The following ITGA8 variants were observed in gnomAD, a reference collection of about 807,000 sequenced individuals.
ITGA8 encodes the protein integrin subunit alpha 8.
A neutral mutation model predicts 142.3 loss-of-function variants in ITGA8; 91 were observed. That is an observed-to-expected ratio of 0.64 (90% CI 0.54 to 0.76). ITGA8 has a LOEUF of 0.76. Ranked by LOEUF, ITGA8 falls within the 30% of genes least tolerant of loss-of-function variation. The pLI is 0.00. For synonymous variants in ITGA8, 505 were observed against 485.2 expected, an observed-to-expected ratio of 1.04 and a Z score of -0.54; for missense variants, 1,406 against 1,327.7, an observed-to-expected ratio of 1.06 and a Z score of -0.92.
intron 23 of ITGA8, among the ~76,000 whole-genome samples, chr10:15,581,806 A>G (rs1383099080): frequency 6.6e-6 from 1 of 152,246 alleles, no homozygotes; most frequent in African/African-American, 2.4e-5. Context: ...ATGTGCATAC[A>G]TACATACATA....
chr10:15,558,910 CG>C (rs1365179326), intron 25 of ITGA8, among the ~76,000 whole-genome samples: 1 of 152,132 alleles, frequency 6.6e-6, no homozygotes, highest in Non-Finnish European at 1.5e-5. Flanking sequence ...CACAGAATAT[CG>C]CATTAACATT....
At chr10:15,618,150 G>A (rs1396390985) in intron 13 of ITGA8, among the ~76,000 whole-genome samples, 1 of 152,132 alleles carries the variant, frequency 6.6e-6, no homozygotes, top group East Asian at 1.9e-4. Context: ...TGAGTGATGA[G>A]TATGCTAGAA....
At chr10:15,705,248 C>T (rs1835236931) in intron 2 of ITGA8, among the ~76,000 whole-genome samples, 1 of 152,218 alleles carries the variant, frequency 6.6e-6, no homozygotes, top group Admixed American at 6.5e-5. Context: ...TCCACTTTGC[C>T]ATTCTGCCAC....
chr10:15,646,948 G>C lies in ITGA8; in HGVS notation c.1105C>G (p.Leu369Val), dbSNP rs1833991455. 3 of 1,613,994 alleles carry C rather than the reference G, an allele frequency of 1.9e-6. No homozygotes were observed. The South Asian group carries it at 3.3e-5, about 18-fold the overall frequency. The change falls in exon 12 of 30, where the codon CTC becomes GTC. Residue 369 changes from leucine (L) to valine (V), a missense_variant. Transcript: ENST00000378076. ...AGGATCTGGGGGTCTCTGAAGAGGA[G>C]AGAGCTCACTTGCAAATACAGGTAG... ...QIYLYLQVSS[L>V]LFRDPQILTG...
intron 23 of ITGA8, among the ~76,000 whole-genome samples, chr10:15,576,655 C>T (rs897149357): frequency 6.6e-6 from 1 of 152,144 alleles, no homozygotes; most frequent in Non-Finnish European, 1.5e-5. Context: ...TACTCTAGGG[C>T]AAGTAATTTA....
At chr10:15,621,886 G>A (rs977268912) in intron 13 of ITGA8, among the ~76,000 whole-genome samples, 3 of 152,090 alleles carry the variant, frequency 2.0e-5, no homozygotes, top group Admixed American at 1.3e-4. Flanking sequence ...AGCTGGGCAC[G>A]GTGGCTCATG....
At chr10:15,525,821 T>C (rs1833163474) in intron 28 of ITGA8, among the ~76,000 whole-genome samples, 1 of 152,134 alleles carries the variant, frequency 6.6e-6, no homozygotes, top group Non-Finnish European at 1.5e-5. Flanking sequence ...ATGATTAAAC[T>C]ATTATCATTT....
chr10:15,517,036 T>G lies in ITGA8; in HGVS notation c.*122A>C. ...TGTAGATGAGGTGATGTTTCCAGGG[T>G]CCCCTCCATTTCCTGGGTCACTGTC... On this transcript the variant is annotated 3_prime_UTR_variant, in exon 30 of 30. Coordinates refer to ENST00000378076, the MANE Select transcript of ITGA8 (RefSeq NM_003638.3). The G allele has an allele frequency of 6.2e-6, 3 of 487,234 alleles. No individual in the cohort carries two copies. Among genetic ancestry groups the G allele is most frequent in the African/African-American group, 2.2e-5 (1 of 44,446 alleles). The allele number at this position is 487,234 out of a possible 1,614,324, so 30.2% of individuals were successfully genotyped here. A position where few individuals can be genotyped will look rare whatever the true frequency, so the allele number is the denominator to read the frequency against.
Position 15,519,378 on chromosome 10 carries a change from A to G in ITGA8, c.3017T>C (p.Val1006Ala). The G allele has an allele frequency of 6.2e-7, 1 of 1,613,828 alleles. No individual in the cohort carries two copies. Among genetic ancestry groups the G allele is most frequent in the Non-Finnish European group, 8.5e-7 (1 of 1,179,816 alleles). ...TACCCATAATGGGATTGAGAAGGAA[A>G]CATTCGGAGTTGCCCAAATAACTGA... ...KTSVIWATPN[V>A]SFSIPLWVII... The change falls in exon 29 of 30, where the codon GTT becomes GCT. Residue 1006 changes from valine (V) to alanine (A), a missense_variant. Transcript: ENST00000378076.
At chr10:15,583,493 C>A (rs767346679) in intron 23 of ITGA8, among the ~76,000 whole-genome samples, 1 of 152,008 alleles carries the variant, frequency 6.6e-6, no homozygotes, top group African/African-American at 2.4e-5. Flanking sequence ...TGCACAGGTA[C>A]CCCAGAACTT....
At chr10:15,696,432 A>C (rs939219101) in intron 2 of ITGA8, among the ~76,000 whole-genome samples, 7 of 152,184 alleles carry the variant, frequency 4.6e-5, no homozygotes, top group South Asian at 2.1e-4. Flanking sequence ...AAAAGACTAA[A>C]ATTCAATAGA....
chr10:15,594,083 G>A (rs1030363018), intron 21 of ITGA8, among the ~76,000 whole-genome samples: 4 of 151,822 alleles, frequency 2.6e-5, no homozygotes, highest in African/African-American at 4.8e-5. Flanking sequence ...CTCATGATCC[G>A]CCCGCCTTGA....
chr10:15,657,920 A>G (rs545826687), intron 10 of ITGA8, among the ~76,000 whole-genome samples: 1 of 152,324 alleles, frequency 6.6e-6, no homozygotes, highest in South Asian at 2.1e-4. Context: ...TCTTACTGAA[A>G]TAGAGATGCA....
chr10:15,521,671 C>A (rs947314716), intron 28 of ITGA8, among the ~76,000 whole-genome samples: 4 of 152,172 alleles, frequency 2.6e-5, no homozygotes, highest in Non-Finnish European at 4.4e-5. Flanking sequence ...ATCTTTATTT[C>A]ATCTGACACA....
chr10:15,668,849 C>T (rs12220442), intron 8 of ITGA8, among the ~76,000 whole-genome samples: 15,032 of 152,198 alleles, frequency 0.099, 951 homozygotes, highest in East Asian at 0.29. Flanking sequence ...CTATTGGTCC[C>T]CACTCTCTTC....
In ITGA8 at chr10:15,586,600, G is replaced by A; in HGVS notation, c.2356C>T (p.Gln786Ter). The A allele has an allele frequency of 6.2e-7, 1 of 1,610,294 alleles. No individual in the cohort carries two copies. Among genetic ancestry groups the A allele is most frequent in the Non-Finnish European group, 8.5e-7 (1 of 1,176,764 alleles). Residue 786 changes from glutamine (Q) to a stop codon, truncating the protein, a stop_gained, in exon 23 of 30, where the codon CAG becomes TAG. Coordinates refer to ENST00000378076, the MANE Select transcript of ITGA8 (RefSeq NM_003638.3). LOFTEE classifies it high-confidence loss of function. ...ACTACTTACCCTCTTATTTCCACCT[G>A]CGCTACAGCAGTGATGTTGATTTGC... ...SLQINITAVA[Q>*]VEIRGVSHPP...
intron 2 of ITGA8, among the ~76,000 whole-genome samples, chr10:15,688,389 T>A (rs187018170): frequency 6.6e-6 from 1 of 151,710 alleles, no homozygotes; most frequent in Non-Finnish European, 1.5e-5. Context: ...GAAAATCACT[T>A]GAACCCAGGA....
At chr10:15,672,463 TAGC>T (rs1312693373) in intron 7 of ITGA8, among the ~76,000 whole-genome samples, 158 bp downstream of exon 7, 6 of 152,016 alleles carry the variant, frequency 3.9e-5, no homozygotes, top group African/African-American at 1.4e-4. Context: ...GCTGGAAAAA[TAGC>T]AGTATTAAAA....
chr10:15,681,119 G>C (rs1460841991), intron 4 of ITGA8, among the ~76,000 whole-genome samples: 1 of 152,194 alleles, frequency 6.6e-6, no homozygotes, highest in Non-Finnish European at 1.5e-5. Context: ...TCATCAATAT[G>C]AATGAGCAGG....
Sources: allele counts gnomAD v4.1 joint callset (sites outside exome capture counted in the v4.1 genomes callset), GRCh38; gene constraint gnomAD v4.1.1; transcripts MANE v1.5; gene names NCBI Gene and HGNC (gene_info 2026-07-23, HGNC 2026-07-21).